Variants in USP36 observed in about 807,000 individuals in gnomAD.
USP36 encodes the protein ubiquitin carboxyl-terminal hydrolase 36.
In USP36, 59 loss-of-function variants were observed where a neutral mutation model predicts 111.5. The observed-to-expected ratio is 0.53, with a 90% CI of 0.43 to 0.66. The LOEUF (loss-of-function observed/expected upper bound fraction) is 0.66, where lower values mean the gene tolerates loss of function less well. Ranked by LOEUF, USP36 falls within the 30% of genes least tolerant of loss-of-function variation. USP36 has a pLI of 0.00. For synonymous variants in USP36, 628 were observed against 581.0 expected (o/e 1.08, Z -1.16); for missense variants, 1,488 against 1,468.0 (o/e 1.01, Z -0.22).
intron 10 of USP36, among the ~76,000 whole-genome samples, chr17:78,815,868 T>C (rs1052180824): frequency 1.3e-5 from 2 of 152,086 alleles, no homozygotes; most frequent in Non-Finnish European, 2.9e-5. Context: ...CATACACATG[T>C]ACGCATATAC....
chr17:78,822,253 C>T (rs2094347750), intron 6 of USP36, among the ~76,000 whole-genome samples: 1 of 152,196 alleles, frequency 6.6e-6, no homozygotes, highest in Admixed American at 6.5e-5. Flanking sequence ...CTTCACAATG[C>T]CCACTGCCAC....
chr17:78,816,579 T>C (rs1192104101), intron 10 of USP36, among the ~76,000 whole-genome samples: 2 of 151,588 alleles, frequency 1.3e-5, no homozygotes, highest in African/African-American at 4.9e-5. Context: ...TGAGCTGAGA[T>C]GGTGCCACTG....
chr17:78,799,591 G>T, intron 18 of USP36, 76 bp downstream of exon 18: 3 of 1,335,742 alleles, frequency 2.2e-6, no homozygotes, highest in Non-Finnish European at 3.2e-6. Context: ...AGTGCACCAG[G>T]ATCCATTCCA....
intron 8 of USP36, among the ~76,000 whole-genome samples, chr17:78,820,631 G>A (rs754150793): frequency 3.9e-5 from 6 of 152,290 alleles, no homozygotes; most frequent in East Asian, 3.9e-4. Flanking sequence ...CAGGATGTGC[G>A]ACAAAGCCAA....
At chr17:78,787,556 G>T (rs1194214428) in exon 4 of USP36, 1 of 152,210 alleles carries the variant, frequency 6.6e-6, no homozygotes. Context: ...TCTCCGTTAG[G>T]GGCACTGTTC....
At chr17:78,814,576 A>G (rs2145259554) in intron 10 of USP36, 24 bp from the exon 11 acceptor site, 1 of 1,605,516 alleles carries the variant, frequency 6.2e-7, no homozygotes, top group Non-Finnish European at 8.5e-7. Context: ...CAAGGAAAAG[A>G]CAAATAAAAT....
chr17:78,830,699 G>GC (rs2068003291), intron 4 of USP36, among the ~76,000 whole-genome samples: 1 of 151,928 alleles, frequency 6.6e-6, no homozygotes, highest in Non-Finnish European at 1.5e-5. Context: ...AATCAATAAT[G>GC]CAACAGCATG....
chr17:78,788,819 C>T (rs566858134), intron 3 of USP36, among the ~76,000 whole-genome samples: 2 of 152,274 alleles, frequency 1.3e-5, no homozygotes, highest in Non-Finnish European at 2.9e-5. Flanking sequence ...TTCCCCTCCA[C>T]CAAGGCCAGA....
intron 10 of USP36, among the ~76,000 whole-genome samples, chr17:78,816,871 A>G (rs1307260491): frequency 3.3e-5 from 5 of 152,188 alleles, no homozygotes; most frequent in African/African-American, 7.2e-5. Context: ...ATACTGATGG[A>G]CATGCAGAAC....
chr17:78,838,120 C>T (rs1054769059), intron 2 of USP36, among the ~76,000 whole-genome samples: 3 of 150,920 alleles, frequency 2.0e-5, no homozygotes, highest in African/African-American at 4.9e-5. Flanking sequence ...TCGTGGCTCA[C>T]GCCTGTAATC....
intron 6 of USP36, 147 bp from the exon 7 acceptor site, chr17:78,822,151 T>A: frequency 2.3e-6 from 2 of 857,544 alleles, no homozygotes; most frequent in Non-Finnish European, 1.8e-6. Flanking sequence ...CACAGACCCT[T>A]AACCTCCATC....
At chr17:78,790,006 A>G (rs1216769503) in intron 3 of USP36, among the ~76,000 whole-genome samples, 1 of 152,254 alleles carries the variant, frequency 6.6e-6, no homozygotes, top group Non-Finnish European at 1.5e-5. Context: ...CACTCATTCA[A>G]CAAATATTTA....
chr17:78,804,471 A>C (rs1279619501), intron 15 of USP36, among the ~76,000 whole-genome samples: 1 of 129,962 alleles, frequency 7.7e-6, no homozygotes, highest in African/African-American at 2.9e-5. Context: ...AAAAAAAAAA[A>C]AACCAAAAAA....
rs775118247 is a variant in USP36 at position 78,798,379 on chromosome 17, A to C, written c.*20+21T>G. On this transcript the variant is annotated intron_variant, in intron 20 of 20. Transcript: ENST00000449938. The surrounding 1 kb of genome is among the most constrained non-coding windows in gnomAD (Gnocchi z 5.1). ...ACACACACCCCCACCTCACCCTTACACCCACCCCCTCGGAACCGACCTCCT... is the reference window on the plus strand; with the variant it reads ...ACACACACCCCCACCTCACCCTTACCCCCACCCCCTCGGAACCGACCTCCT... The C allele has an allele frequency of 6.2e-7, 1 of 1,611,048 alleles. No individual in the cohort carries two copies. The highest frequency in any genetic ancestry group is 8.5e-7 in the Non-Finnish European group (1 of 1,179,358).
At chr17:78,823,277 GT>G (rs2094374430) in intron 6 of USP36, 1 of 398,190 alleles carries the variant, frequency 2.5e-6, no homozygotes, top group South Asian at 1.3e-4. Flanking sequence ...TAGCAAGGAC[GT>G]AATCTCTGCA....
chr17:78,823,220 TCTA>T, intron 6 of USP36: 1 of 398,726 alleles, frequency 2.5e-6, no homozygotes, highest in Non-Finnish European at 4.4e-6. Context: ...ACTGCCACCA[TCTA>T]CTGTCCCACC....
At chr17:78,815,100 G>A (rs1363587086) in intron 10 of USP36, among the ~76,000 whole-genome samples, 2 of 152,190 alleles carry the variant, frequency 1.3e-5, no homozygotes, top group Admixed American at 6.5e-5. Context: ...TTGGGAGGCC[G>A]AGGCGGGTAG....
intron 10 of USP36, among the ~76,000 whole-genome samples, chr17:78,815,071 C>T (rs537623688): frequency 3.3e-5 from 5 of 152,232 alleles, no homozygotes; most frequent in East Asian, 3.9e-4. Flanking sequence ...CGGTGGCTCA[C>T]GCCTGTAATC....
intron 4 of USP36, among the ~76,000 whole-genome samples, chr17:78,834,444 T>C (rs1283017914): frequency 6.6e-6 from 1 of 152,066 alleles, no homozygotes. Flanking sequence ...TTGTTTCGAT[T>C]TGTTTTTTGT....
Sources: allele counts gnomAD v4.1 joint callset (sites outside exome capture counted in the v4.1 genomes callset), GRCh38; gene constraint gnomAD v4.1.1; non-coding constraint Gnocchi (gnomAD v3.1); transcripts MANE v1.5; gene names NCBI Gene and HGNC (gene_info 2026-07-23, HGNC 2026-07-21).